RSRC1: variants seen among roughly 807,000 people sequenced by gnomAD.
RSRC1 encodes arginine and serine rich coiled-coil 1.
RSRC1 carries 39 observed loss-of-function variants against 49.1 expected under a neutral mutation model. The observed-to-expected ratio is 0.79, with a 90% CI of 0.61 to 1.04. The LOEUF is 1.04. Among genes scored for constraint, RSRC1 ranks in the 50% least tolerant of loss-of-function variants. The pLI is 0.00. For synonymous variants in RSRC1, 143 were observed against 130.8 expected, an observed-to-expected ratio of 1.09 and a Z score of -0.63; for missense variants, 388 against 402.4, an observed-to-expected ratio of 0.96 and a Z score of 0.31.
intron 6 of RSRC1, among the ~76,000 whole-genome samples, chr3:158,386,826 CA>C (rs56825777): frequency 0.13 from 16,300 of 123,158 alleles, 1,245 homozygotes; most frequent in African/African-American, 0.26. Context: ...TTCACTAGAC[CA>C]AAAAAAAAAA....
rs142839979 is a variant in RSRC1 at position 158,441,164 on chromosome 3, T to C, written c.584-19771T>C. On this transcript the variant is annotated intron_variant, in intron 6 of 9. Transcript: ENST00000611884. ...GTTGGAATGTTAACAAATGGAATGA[T>C]AGGACAATTTCTATGATTCTCTAAA... Among the ~76,000 whole-genome samples the C allele has an allele frequency of 3.0e-3, 453 of 152,226 alleles. 2 individuals are homozygous for C. The highest frequency in any genetic ancestry group is 0.011 in the African/African-American group (439 of 41,552).
intron 3 of RSRC1, among the ~76,000 whole-genome samples, chr3:158,142,638 C>T (rs911766492): frequency 6.6e-6 from 1 of 151,992 alleles, no homozygotes; most frequent in Admixed American, 6.6e-5. Context: ...AGAGTGGGAG[C>T]AAGAGAGAGT....
At chr3:158,519,262 C>G (rs1714505) in intron 7 of RSRC1, among the ~76,000 whole-genome samples, 14 of 152,014 alleles carry the variant, frequency 9.2e-5, no homozygotes, top group Non-Finnish European at 1.9e-4. Flanking sequence ...ATTTCTTGCC[C>G]GGACTTCTGT....
intron 7 of RSRC1, among the ~76,000 whole-genome samples, chr3:158,501,477 T>C (rs1431603349): frequency 6.6e-6 from 1 of 152,188 alleles, no homozygotes; most frequent in Non-Finnish European, 1.5e-5. Flanking sequence ...CCTACTATTA[T>C]TGTGTTGCTG....
chr3:158,414,497 A>T (rs773085733), intron 6 of RSRC1, among the ~76,000 whole-genome samples: 1 of 152,152 alleles, frequency 6.6e-6, no homozygotes, highest in African/African-American at 2.4e-5. Flanking sequence ...CCACTGTGGC[A>T]CATGTTTACC....
chr3:158,259,766 C>A (rs1043747919), intron 4 of RSRC1, among the ~76,000 whole-genome samples: 1 of 152,130 alleles, frequency 6.6e-6, no homozygotes, highest in African/African-American at 2.4e-5. Flanking sequence ...TGTTCTAGTG[C>A]AGCTGAGCTA....
chr3:158,145,381 T>C (rs1214952684), intron 3 of RSRC1, among the ~76,000 whole-genome samples: 2 of 152,128 alleles, frequency 1.3e-5, no homozygotes, highest in Non-Finnish European at 2.9e-5. Context: ...CCATTTGTTA[T>C]ATAGGGAATC....
At chr3:158,328,975 A>G (rs1729370121) in intron 5 of RSRC1, among the ~76,000 whole-genome samples, 1 of 151,862 alleles carries the variant, frequency 6.6e-6, no homozygotes, top group Non-Finnish European at 1.5e-5. Flanking sequence ...TTCTCACTTC[A>G]TTTCATTCAT....
At chr3:158,308,780 C>G (rs950246345) in intron 5 of RSRC1, among the ~76,000 whole-genome samples, 2 of 151,828 alleles carry the variant, frequency 1.3e-5, no homozygotes, top group Non-Finnish European at 2.9e-5. Flanking sequence ...GACATTATCT[C>G]TTGATGATTG....
At chr3:158,299,424 C>T (rs1353145981) in intron 5 of RSRC1, among the ~76,000 whole-genome samples, 2 of 151,916 alleles carry the variant, frequency 1.3e-5, no homozygotes, top group Non-Finnish European at 2.9e-5. Context: ...ACCTCTGCCT[C>T]CCAGGTTCAA....
chr3:158,121,373 T>C (rs566602178), intron 1 of RSRC1, among the ~76,000 whole-genome samples: 2 of 152,266 alleles, frequency 1.3e-5, no homozygotes, highest in East Asian at 3.9e-4. Flanking sequence ...ATCTATTATA[T>C]CTGCTTAATT....
intron 6 of RSRC1, among the ~76,000 whole-genome samples, chr3:158,420,699 A>G (rs1375653856): frequency 1.3e-5 from 2 of 151,944 alleles, no homozygotes; most frequent in Non-Finnish European, 2.9e-5. Context: ...ACAAATTAAT[A>G]GGTTTTTATA....
At chr3:158,351,533 A>G (rs1730873262) in intron 5 of RSRC1, among the ~76,000 whole-genome samples, 2 of 152,260 alleles carry the variant, frequency 1.3e-5, no homozygotes, top group African/African-American at 4.8e-5. Context: ...AGCAAGTTAT[A>G]TCTGCATAGG....
chr3:158,533,495 A>G (rs1712530663), intron 7 of RSRC1, among the ~76,000 whole-genome samples: 1 of 151,678 alleles, frequency 6.6e-6, no homozygotes, highest in Non-Finnish European at 1.5e-5. Flanking sequence ...TATTTGTATT[A>G]GGAGCTGGTT....
chr3:158,458,444 C>G (rs1179031958), intron 6 of RSRC1, among the ~76,000 whole-genome samples: 1 of 151,766 alleles, frequency 6.6e-6, no homozygotes, highest in African/African-American at 2.4e-5. Context: ...ACCGCAATTA[C>G]TTTTGCACTA....
chr3:158,412,139 TG>T (rs1187819629), intron 6 of RSRC1, among the ~76,000 whole-genome samples: 1 of 152,168 alleles, frequency 6.6e-6, no homozygotes, highest in Admixed American at 6.6e-5. Flanking sequence ...GAAAGGGATT[TG>T]TTTTTTTCTT....
At chr3:158,518,126 GTATATA>G (rs1322921127) in intron 7 of RSRC1, among the ~76,000 whole-genome samples, 6 of 68,854 alleles carry the variant, frequency 8.7e-5, no homozygotes, top group Admixed American at 2.0e-4. Flanking sequence ...GTGTGTGTGT[GTATATA>G]TATATATATA....
chr3:158,440,889 C>T (rs1460679154), intron 6 of RSRC1, among the ~76,000 whole-genome samples: 4 of 151,848 alleles, frequency 2.6e-5, no homozygotes, highest in African/African-American at 9.7e-5. Flanking sequence ...TTGCAGAGAC[C>T]CGAGATCACC....
chr3:158,320,270 C>A (rs1728688365), intron 5 of RSRC1, among the ~76,000 whole-genome samples: 2 of 152,180 alleles, frequency 1.3e-5, no homozygotes, highest in African/African-American at 4.8e-5. Flanking sequence ...GGAATACTTA[C>A]ACACTAGTGA....
Sources: gnomAD v4.1 joint callset for allele counts (sites outside exome capture counted in the v4.1 genomes callset) on GRCh38, gnomAD v4.1.1 for gene constraint, MANE v1.5 for transcripts, NCBI Gene and HGNC (gene_info 2026-07-23, HGNC 2026-07-21) for gene names.